Variants in NAALADL2 observed in about 807,000 individuals in gnomAD.
NAALADL2 encodes N-acetylated alpha-linked acidic dipeptidase like 2, also known as inactive N-acetylated-alpha-linked acidic dipeptidase-like protein 2.
A neutral mutation model predicts 87.2 loss-of-function variants in NAALADL2; 76 were observed. That is an observed-to-expected ratio of 0.87 (90% CI 0.72 to 1.05). The LOEUF is 1.05. NAALADL2 is among the 50% of genes least tolerant of loss of function. NAALADL2 has a pLI of 0.00. For missense variants in NAALADL2, 1,089 were observed against 945.8 expected, an observed-to-expected ratio of 1.15 and a Z score of -1.99; for synonymous variants, 354 against 331.0, an observed-to-expected ratio of 1.07 and a Z score of -0.75.
At chr3:175,304,397 C>A (rs950387553) in intron 4 of NAALADL2, among the ~76,000 whole-genome samples, 1 of 152,090 alleles carries the variant, frequency 6.6e-6, no homozygotes, top group Non-Finnish European at 1.5e-5. Flanking sequence ...ATGCTTATGA[C>A]CTAAATATTC....
At chr3:175,142,314 C>T (rs1035225778) in intron 2 of NAALADL2, among the ~76,000 whole-genome samples, 1 of 151,918 alleles carries the variant, frequency 6.6e-6, no homozygotes, top group Non-Finnish European at 1.5e-5. Flanking sequence ...TTATGTGGAA[C>T]CTTTGAAACA....
chr3:175,437,394 G>A (rs1455432518), intron 5 of NAALADL2, among the ~76,000 whole-genome samples: 2 of 145,006 alleles, frequency 1.4e-5, no homozygotes, highest in Admixed American at 7.1e-5. Flanking sequence ...AACTTACAAG[G>A]GATGTGAAGG....
At chr3:175,780,263 G>A (rs1484204827) in intron 13 of NAALADL2, among the ~76,000 whole-genome samples, 10 of 150,972 alleles carry the variant, frequency 6.6e-5, no homozygotes, top group Admixed American at 4.6e-4. Context: ...GTGACAGAGC[G>A]AGACTCTGTC....
intron 12 of NAALADL2, among the ~76,000 whole-genome samples, chr3:175,738,358 C>T (rs555020536): frequency 1.3e-5 from 2 of 152,180 alleles, no homozygotes; most frequent in African/African-American, 4.8e-5. Context: ...AGTAATTCTC[C>T]TGCCTCAGCC....
intron 1 of NAALADL2, among the ~76,000 whole-genome samples, chr3:174,861,870 T>G (rs1221910406): frequency 1.3e-5 from 2 of 151,528 alleles, no homozygotes; most frequent in Non-Finnish European, 2.9e-5. Flanking sequence ...CCATTAACAT[T>G]TAGTGTTTCT....
At chr3:175,296,878 T>G (rs1041491070) in intron 4 of NAALADL2, among the ~76,000 whole-genome samples, 6 of 152,128 alleles carry the variant, frequency 3.9e-5, no homozygotes, top group African/African-American at 1.4e-4. Context: ...CTTCATTTTC[T>G]GACTGAGAGG....
At chr3:174,657,718 A>G (rs2108770762) in intron 2 of NAALADL2, among the ~76,000 whole-genome samples, 1 of 152,310 alleles carries the variant, frequency 6.6e-6, no homozygotes, top group East Asian at 1.9e-4. Flanking sequence ...CATGTATCCA[A>G]CATTATAGTA....
chr3:175,455,644 G>A (rs1224965326), intron 6 of NAALADL2, among the ~76,000 whole-genome samples: 1 of 152,048 alleles, frequency 6.6e-6, no homozygotes, highest in African/African-American at 2.4e-5. Context: ...GTGTGCGCAT[G>A]TATTAGACAA....
chr3:174,860,071 C>T (rs1476438060), intron 1 of NAALADL2, among the ~76,000 whole-genome samples: 3 of 151,886 alleles, frequency 2.0e-5, no homozygotes, highest in East Asian at 1.9e-4. Context: ...GCTTGTTCAC[C>T]GAAACAAATT....
chr3:175,529,600 A>G (rs927394106), intron 9 of NAALADL2, among the ~76,000 whole-genome samples: 2 of 152,140 alleles, frequency 1.3e-5, no homozygotes, highest in African/African-American at 4.8e-5. Flanking sequence ...TGGCAGTGTA[A>G]TTGTAATTTC....
chr3:175,699,055 AC>A (rs1257263702), intron 11 of NAALADL2, among the ~76,000 whole-genome samples: 1 of 151,932 alleles, frequency 6.6e-6, no homozygotes, highest in Non-Finnish European at 1.5e-5. Flanking sequence ...GGCCCAAAGT[AC>A]TTTTCCTTTA....
intron 11 of NAALADL2, among the ~76,000 whole-genome samples, chr3:175,686,339 A>C (rs1005953783): frequency 1.6e-4 from 24 of 152,176 alleles, no homozygotes; most frequent in Non-Finnish European, 3.1e-4. Context: ...ACCGTCTTTT[A>C]AAATATAAGA....
intron 1 of NAALADL2, among the ~76,000 whole-genome samples, chr3:175,096,274 G>A (rs2108365305): frequency 6.6e-6 from 1 of 152,114 alleles, no homozygotes; most frequent in East Asian, 1.9e-4. Context: ...TAATGAATTT[G>A]TGTTTTTAAG....
chr3:175,537,449 TTAGA>T (rs1452243163), intron 9 of NAALADL2, among the ~76,000 whole-genome samples: 1 of 152,202 alleles, frequency 6.6e-6, no homozygotes. Flanking sequence ...TGTAGGACAA[TTAGA>T]TAATGAACTA....
chr3:174,716,352 T>C (rs1260784370), intron 2 of NAALADL2, among the ~76,000 whole-genome samples: 1 of 152,118 alleles, frequency 6.6e-6, no homozygotes, highest in Non-Finnish European at 1.5e-5. Flanking sequence ...TTTTGTTTTG[T>C]TTTGTTTTTC....
chr3:175,673,315 C>T (rs1449114935), intron 11 of NAALADL2, among the ~76,000 whole-genome samples: 1 of 152,102 alleles, frequency 6.6e-6, no homozygotes, highest in Non-Finnish European at 1.5e-5. Flanking sequence ...AAGGGAGAGT[C>T]AGAGCATCAT....
intron 9 of NAALADL2, among the ~76,000 whole-genome samples, chr3:175,544,967 C>T (rs939323203): frequency 6.6e-6 from 1 of 152,178 alleles, no homozygotes; most frequent in African/African-American, 2.4e-5. Context: ...TGTACAAACA[C>T]TCAAGATTCT....
intron 2 of NAALADL2, among the ~76,000 whole-genome samples, chr3:175,142,213 C>G (rs1217017874): frequency 6.6e-6 from 1 of 151,972 alleles, no homozygotes; most frequent in Non-Finnish European, 1.5e-5. Flanking sequence ...ATTTGTGCAT[C>G]TAAGTCTGAG....
intron 4 of NAALADL2, among the ~76,000 whole-genome samples, chr3:175,299,891 T>C (rs1560314037): frequency 6.6e-6 from 1 of 152,194 alleles, no homozygotes; most frequent in Non-Finnish European, 1.5e-5. Flanking sequence ...GCTTTCAGCT[T>C]TTGCCCATTC....
Sources: gnomAD v4.1 joint callset for allele counts (sites outside exome capture counted in the v4.1 genomes callset) on GRCh38, gnomAD v4.1.1 for gene constraint, MANE v1.5 for transcripts, NCBI Gene and HGNC (gene_info 2026-07-23, HGNC 2026-07-21) for gene names.